ENPP6: variants seen among roughly 807,000 people sequenced by gnomAD.
ENPP6 encodes the protein glycerophosphocholine cholinephosphodiesterase ENPP6.
A neutral mutation model predicts 42.0 loss-of-function variants in ENPP6; 32 were observed. That is an observed-to-expected ratio of 0.76 (90% CI 0.58 to 1.02). The LOEUF (loss-of-function observed/expected upper bound fraction) is 1.02, where lower values mean the gene tolerates loss of function less well. Among genes scored for constraint, ENPP6 ranks in the 50% least tolerant of loss-of-function variants. ENPP6 has a pLI of 0.00. For missense variants in ENPP6, 552 were observed against 566.8 expected (o/e 0.97, Z 0.27); for synonymous variants, 213 against 216.0 (o/e 0.99, Z 0.12).
chr4:184,172,488 C>T (rs973257162), intron 1 of ENPP6, among the ~76,000 whole-genome samples: 2 of 152,108 alleles, frequency 1.3e-5, no homozygotes, highest in Non-Finnish European at 2.9e-5. Flanking sequence ...AGCTCCAGCC[C>T]CTCCCATGCG....
intron 2 of ENPP6, among the ~76,000 whole-genome samples, chr4:184,138,829 A>C (rs994326633): frequency 6.6e-6 from 1 of 152,214 alleles, no homozygotes; most frequent in Non-Finnish European, 1.5e-5. Flanking sequence ...GATCCATCTG[A>C]CAATGGCATA....
intron 1 of ENPP6, among the ~76,000 whole-genome samples, chr4:184,177,314 C>T (rs1737581064): frequency 6.6e-6 from 1 of 152,212 alleles, no homozygotes; most frequent in Non-Finnish European, 1.5e-5. Flanking sequence ...GGCCTCCCCG[C>T]AGGAATTTCA....
rs747611869 is a variant in ENPP6, at chr4:184,116,813, G to C, written c.855+43C>G. 7 of 1,605,956 alleles carry C rather than the reference G, an allele frequency of 4.4e-6. No individual in the cohort carries two copies. The Admixed American group carries it at 1.0e-4, about 23-fold the overall frequency. On this transcript the variant is annotated intron_variant, in intron 5 of 7. Coordinates refer to ENST00000296741, the MANE Select transcript of ENPP6 (RefSeq NM_153343.4). ...AGACAGTGCAGATGGCAACACACGA[G>C]GGCCCACATGGCCCTCCTCCGCCCC...
At position 184,138,752 on chromosome 4, in the gene ENPP6, T is replaced by C. The variant is rs902662541; in HGVS notation, c.422-14480A>G. ...ACTAGGCAGCAGAAGCTGTACTCTATGGGAACTGTGATATCCTGGAAGCAA... is the reference window on the plus strand; with the variant it reads ...ACTAGGCAGCAGAAGCTGTACTCTACGGGAACTGTGATATCCTGGAAGCAA... On this transcript the variant is annotated intron_variant, in intron 2 of 7. Coordinates refer to ENST00000296741, the MANE Select transcript of ENPP6 (RefSeq NM_153343.4). 7.2e-5 allele frequency among the ~76,000 whole-genome samples: 11 copies of C among 152,182 alleles called. No homozygotes were observed. The East Asian group carries it at 1.5e-3, about 21-fold the overall frequency.
chr4:184,168,591 C>T (rs1737400108), intron 1 of ENPP6, among the ~76,000 whole-genome samples: 1 of 152,254 alleles, frequency 6.6e-6, no homozygotes, highest in Non-Finnish European at 1.5e-5. Flanking sequence ...GCTGGCCCGC[C>T]ACTGCCCTCT....
chr4:184,215,536 G>T (rs182131256), intron 1 of ENPP6, among the ~76,000 whole-genome samples: 1 of 152,112 alleles, frequency 6.6e-6, no homozygotes, highest in Non-Finnish European at 1.5e-5. Context: ...CCCAGCCTGC[G>T]AATTCTGCTT....
chr4:184,108,128 G>T (rs894286822), intron 6 of ENPP6, among the ~76,000 whole-genome samples: 1 of 152,110 alleles, frequency 6.6e-6, no homozygotes, highest in African/African-American at 2.4e-5. Context: ...TTCTGGGATG[G>T]CGGCTACAGG....
chr4:184,146,150 C>T (rs111677867), intron 2 of ENPP6, among the ~76,000 whole-genome samples: 2,827 of 151,202 alleles, frequency 0.019, 97 homozygotes, highest in African/African-American at 0.064. Flanking sequence ...TTAGTTGAAA[C>T]GGCCAGGCGC....
In ENPP6 at chr4:184,133,163, A is replaced by ACT. The variant is rs1487552539; in HGVS notation, c.422-8892_422-8891insAG. On this transcript the variant is annotated intron_variant, in intron 2 of 7. Coordinates refer to ENST00000296741, the MANE Select transcript of ENPP6 (RefSeq NM_153343.4). ...AATTTTAGAATCAACCTGTCAATTC[A>ACT]CACACACACACACACACACACACAC... Among the ~76,000 whole-genome samples, 281 of 66,510 alleles carry ACT rather than the reference A, an allele frequency of 4.2e-3. 1 individual carries two copies. Among genetic ancestry groups the ACT allele is most frequent in the Middle Eastern group, 0.017 (2 of 116 alleles). 43.6% of individuals were successfully genotyped at this position (66,510 alleles called of 152,430 possible). A position where few individuals can be genotyped will look rare whatever the true frequency, so the allele number is the denominator to read the frequency against.
At chr4:184,192,991 G>A (rs1732729951) in intron 1 of ENPP6, among the ~76,000 whole-genome samples, 1 of 152,180 alleles carries the variant, frequency 6.6e-6, no homozygotes, top group African/African-American at 2.4e-5. Context: ...AATAACAAGT[G>A]TTGGTGAGGT....
chr4:184,118,566 T>C (rs1252413466), intron 3 of ENPP6, among the ~76,000 whole-genome samples: 15 of 152,224 alleles, frequency 9.9e-5, no homozygotes, highest in Admixed American at 9.8e-4. Context: ...GGATTTGTGA[T>C]GCCTGTGATT....
chr4:184,163,118 T>C (rs1192505969), intron 1 of ENPP6, among the ~76,000 whole-genome samples: 2 of 152,188 alleles, frequency 1.3e-5, no homozygotes, highest in African/African-American at 4.8e-5. Flanking sequence ...ACGTGGATTT[T>C]TTGAGAAAAT....
At chr4:184,208,979 G>A (rs1263469613) in intron 1 of ENPP6, among the ~76,000 whole-genome samples, 2 of 143,092 alleles carry the variant, frequency 1.4e-5, no homozygotes, top group Non-Finnish European at 3.1e-5. Flanking sequence ...GGAGCACACT[G>A]ACACCTCACA....
chr4:184,182,960 G>A (rs112486382), intron 1 of ENPP6, among the ~76,000 whole-genome samples: 15,861 of 152,140 alleles, frequency 0.1, 1,088 homozygotes, highest in African/African-American at 0.2. Flanking sequence ...CATGGCACAC[G>A]TTTACCTGTG....
chr4:184,147,819 T>C (rs913977545), intron 2 of ENPP6, among the ~76,000 whole-genome samples: 4 of 148,200 alleles, frequency 2.7e-5, no homozygotes, highest in African/African-American at 9.9e-5. Flanking sequence ...AAAAAAAGTA[T>C]TCAGCTTGGC....
intron 1 of ENPP6, among the ~76,000 whole-genome samples, chr4:184,167,757 A>G (rs1171604143): frequency 6.6e-6 from 1 of 152,222 alleles, no homozygotes; most frequent in Non-Finnish European, 1.5e-5. Flanking sequence ...CAGCCTCTCA[A>G]GTCTCAGGAG....
intron 7 of ENPP6, among the ~76,000 whole-genome samples, chr4:184,095,015 C>T (rs1452743729): frequency 6.6e-6 from 1 of 152,184 alleles, no homozygotes; most frequent in Non-Finnish European, 1.5e-5. Context: ...CAAAGTGCAG[C>T]CAGATAGCTA....
intron 2 of ENPP6, among the ~76,000 whole-genome samples, chr4:184,134,978 G>A (rs1425105053): frequency 6.6e-6 from 1 of 151,568 alleles, no homozygotes; most frequent in Non-Finnish European, 1.5e-5. Context: ...GAGTTATTTA[G>A]AGGTCTGGTT....
intron 1 of ENPP6, among the ~76,000 whole-genome samples, chr4:184,167,682 A>C (rs1260251329): frequency 6.6e-6 from 1 of 152,230 alleles, no homozygotes; most frequent in Non-Finnish European, 1.5e-5. Context: ...TATGTGACGT[A>C]GGTATGATGC....
Sources: gnomAD v4.1 joint callset for allele counts (sites outside exome capture counted in the v4.1 genomes callset) on GRCh38, gnomAD v4.1.1 for gene constraint, MANE v1.5 for transcripts, NCBI Gene and HGNC (gene_info 2026-07-23, HGNC 2026-07-21) for gene names.